AGMO: variants seen among roughly 807,000 people sequenced by gnomAD.
AGMO encodes glyceryl-ether monooxygenase.
In AGMO, 75 loss-of-function variants were observed where a neutral mutation model predicts 60.2. The ratio of observed to expected loss-of-function variants is 1.25; its 90% CI spans 1.03 to 1.51. The LOEUF is 1.51. Ranked by LOEUF, AGMO falls within the 40% of genes most tolerant of loss-of-function variation. The probability of loss-of-function intolerance (pLI) is 0.00; values close to 1 mark genes in which losing one functional copy is unlikely to be tolerated. For synonymous variants in AGMO, 261 were observed against 177.1 expected (o/e 1.47, Z -3.76); for missense variants, 763 against 525.5 (o/e 1.45, Z -4.42).
chr7:15,356,751 T>A (rs910435504), intron 12 of AGMO, among the ~76,000 whole-genome samples: 3 of 151,728 alleles, frequency 2.0e-5, no homozygotes, highest in African/African-American at 7.3e-5. Context: ...AAAAATGTGA[T>A]TAAAAATATT....
chr7:15,395,507 A>G (rs1438411823), intron 5 of AGMO, among the ~76,000 whole-genome samples: 2 of 152,160 alleles, frequency 1.3e-5, no homozygotes, highest in African/African-American at 2.4e-5. Flanking sequence ...TTATAATAAC[A>G]TTGTCATTTT....
At chr7:15,292,747 T>C (rs528199514) in intron 12 of AGMO, among the ~76,000 whole-genome samples, 173 of 140,112 alleles carry the variant, frequency 1.2e-3, no homozygotes, top group African/African-American at 4.3e-3. Context: ...CTCCTTTTTT[T>C]TTCCTTTTTT....
At chr7:15,550,335 A>T (rs1369630569) in intron 2 of AGMO, among the ~76,000 whole-genome samples, 1 of 152,134 alleles carries the variant, frequency 6.6e-6, no homozygotes, top group Non-Finnish European at 1.5e-5. Context: ...ACTGAAGGAA[A>T]TAGAGACACA....
At chr7:15,401,520 A>G (rs1333258791) in intron 5 of AGMO, among the ~76,000 whole-genome samples, 1 of 152,148 alleles carries the variant, frequency 6.6e-6, no homozygotes, top group Non-Finnish European at 1.5e-5. Context: ...AGGTTGGAGA[A>G]GAGACTTCCT....
At chr7:15,248,214 A>ATATATATATATATGTATATATG (rs1402723880) in intron 12 of AGMO, among the ~76,000 whole-genome samples, 2 of 71,160 alleles carry the variant, frequency 2.8e-5, no homozygotes, top group Non-Finnish European at 5.9e-5. Context: ...ATATATATAT[A>ATATATATATATATGTATATATG]TATATATATA....
chr7:15,342,636 T>C (rs1232788162), intron 12 of AGMO, among the ~76,000 whole-genome samples: 1 of 151,740 alleles, frequency 6.6e-6, no homozygotes, highest in Non-Finnish European at 1.5e-5. Context: ...GATTTCGGCT[T>C]TCTCTCCTGA....
chr7:15,424,275 A>T, intron 4 of AGMO, among the ~76,000 whole-genome samples: 1 of 152,002 alleles, frequency 6.6e-6, no homozygotes, highest in African/African-American at 2.4e-5. Flanking sequence ...TTATCTTTAT[A>T]TCCCCAATCT....
chr7:15,268,747 AAT>A (rs1475049982), intron 12 of AGMO, among the ~76,000 whole-genome samples: 1 of 151,808 alleles, frequency 6.6e-6, no homozygotes, highest in Non-Finnish European at 1.5e-5. Flanking sequence ...AAGGTGGGGG[AAT>A]ATAAGAGAGA....
At chr7:15,455,081 TCACA>T (rs34074240) in intron 3 of AGMO, among the ~76,000 whole-genome samples, 13,453 of 145,928 alleles carry the variant, frequency 0.092, 887 homozygotes, top group African/African-American at 0.19. Flanking sequence ...TCTCTCTTTC[TCACA>T]CACACACACA....
chr7:15,278,526 C>T (rs983466512), intron 12 of AGMO, among the ~76,000 whole-genome samples: 6 of 152,000 alleles, frequency 3.9e-5, no homozygotes, highest in Admixed American at 3.9e-4. Flanking sequence ...CTCTAGGCCA[C>T]AAGCAGAACT....
chr7:15,220,902 T>C (rs1781899343), intron 12 of AGMO, among the ~76,000 whole-genome samples: 2 of 152,136 alleles, frequency 1.3e-5, no homozygotes, highest in Admixed American at 6.6e-5. Flanking sequence ...TTCAAAGAGA[T>C]ATGTAGGCTG....
intron 3 of AGMO, among the ~76,000 whole-genome samples, chr7:15,477,169 C>T (rs924221815): frequency 4.0e-5 from 6 of 151,806 alleles, no homozygotes; most frequent in South Asian, 4.2e-4. Flanking sequence ...AATTGCTCTA[C>T]GTGTTAAGCA....
At chr7:15,504,768 T>C (rs1279949421) in intron 3 of AGMO, among the ~76,000 whole-genome samples, 8 of 150,078 alleles carry the variant, frequency 5.3e-5, no homozygotes, top group African/African-American at 1.8e-4. Flanking sequence ...TTTTTCCTTT[T>C]CTAGTTAAAA....
chr7:15,189,548 CTTTTTGT>C, the AGMO span, among the ~76,000 whole-genome samples: 1 of 152,054 alleles, frequency 6.6e-6, no homozygotes, highest in Non-Finnish European at 1.5e-5. Context: ...TAATGCTTCA[CTTTTTGT>C]TTTTTGAAGT....
the AGMO span, among the ~76,000 whole-genome samples, chr7:15,144,954 C>G: frequency 1.3e-5 from 2 of 152,130 alleles, no homozygotes; most frequent in African/African-American, 2.4e-5. Flanking sequence ...CTCAGCCTCC[C>G]GAGTAGCTGG....
chr7:15,407,697 T>C (rs547070550), intron 5 of AGMO, among the ~76,000 whole-genome samples: 1 of 151,992 alleles, frequency 6.6e-6, no homozygotes, highest in Admixed American at 6.6e-5. Flanking sequence ...ATACAATGCT[T>C]ATTAAAATTT....
intron 10 of AGMO, among the ~76,000 whole-genome samples, chr7:15,384,531 G>A (rs771914009): frequency 1.2e-4 from 18 of 151,912 alleles, no homozygotes; most frequent in South Asian, 6.2e-4. Flanking sequence ...AAAGATAGGC[G>A]TATCTTAACC....
intron 12 of AGMO, among the ~76,000 whole-genome samples, chr7:15,210,650 C>T (rs1781563606): frequency 6.6e-6 from 1 of 151,968 alleles, no homozygotes; most frequent in Non-Finnish European, 1.5e-5. Context: ...GAGTGATATT[C>T]CTATAACAGA....
chr7:15,351,188 TCTGC>T (rs1782231187), intron 12 of AGMO, among the ~76,000 whole-genome samples: 1 of 152,134 alleles, frequency 6.6e-6, no homozygotes, highest in Non-Finnish European at 1.5e-5. Flanking sequence ...TGGGCAAATG[TCTGC>T]ATAATGGGAA....
Sources: gnomAD v4.1 joint callset for allele counts (sites outside exome capture counted in the v4.1 genomes callset) on GRCh38, gnomAD v4.1.1 for gene constraint, MANE v1.5 for transcripts, NCBI Gene and HGNC (gene_info 2026-07-23, HGNC 2026-07-21) for gene names.